The following RFX8 variants were observed in gnomAD, a reference collection of about 807,000 sequenced individuals.
RFX8 encodes the protein DNA-binding protein RFX8.
In RFX8, 46 loss-of-function variants were observed where a neutral mutation model predicts 54.6. The ratio of observed to expected loss-of-function variants is 0.84; its 90% CI spans 0.67 to 1.08. RFX8 has a LOEUF of 1.08. Among genes scored for constraint, RFX8 ranks in the 50% least tolerant of loss-of-function variants. The probability of loss-of-function intolerance (pLI) is 0.00; values close to 1 mark genes in which losing one functional copy is unlikely to be tolerated. For missense variants in RFX8, 536 were observed against 562.3 expected (o/e 0.95, Z 0.47); for synonymous variants, 192 against 209.5 (o/e 0.92, Z 0.72).
At chr2:101,409,532 A>G (rs1363089678) in intron 9 of RFX8, among the ~76,000 whole-genome samples, 1 of 144,546 alleles carries the variant, frequency 6.9e-6, no homozygotes, top group African/African-American at 2.6e-5. Context: ...GGCCAGACGG[A>G]GTCTTTTGTT....
chr2:101,466,731 T>C (rs761190800), intron 2 of RFX8, 46 bp downstream of exon 2: 1 of 1,353,336 alleles, frequency 7.4e-7, no homozygotes, highest in South Asian at 1.2e-5. Context: ...TTGCTTCCCT[T>C]TTTTGCACTC....
intron 8 of RFX8, among the ~76,000 whole-genome samples, chr2:101,412,222 G>A (rs988338206): frequency 2.0e-5 from 3 of 152,162 alleles, no homozygotes; most frequent in African/African-American, 2.4e-5. Flanking sequence ...ATTCATAATC[G>A]GTAACCATCC....
chr2:101,442,312 A>G (rs757699943), intron 2 of RFX8, among the ~76,000 whole-genome samples: 4 of 152,178 alleles, frequency 2.6e-5, no homozygotes, highest in Non-Finnish European at 5.9e-5. Flanking sequence ...TATGTATCCC[A>G]TATTTCTGCT....
At chr2:101,469,003 CGT>C (rs1689743756) in intron 1 of RFX8, among the ~76,000 whole-genome samples, 3 of 29,186 alleles carry the variant, frequency 1.0e-4, no homozygotes, top group Admixed American at 2.9e-4. Context: ...TATATATATA[CGT>C]ATATATATAT....
chr2:101,410,635 T>G lies in RFX8; in HGVS notation c.797A>C (p.Gln266Pro). 6.5e-7 allele frequency: 1 copy of G among 1,531,782 alleles called. No individual in the cohort carries two copies. The allele number at this position is 1,531,782 out of a possible 1,614,324, so 94.9% of individuals were successfully genotyped here. Reference protein sequence around the residue: ...VFLSCLSSHLQAFVFQTSRSK... With the variant: ...VFLSCLSSHLPAFVFQTSRSK... ...GCTTCCTACCTGGAACACAAATGCT[T>G]GGAGATGTGAAGACAGACAGCTGAG... is the stretch of plus-strand genomic sequence containing the variant. The change falls in exon 9 of 12, where the codon CAA becomes CCA. Residue 266 changes from glutamine to proline, a missense_variant. Coordinates refer to ENST00000428343, the MANE Select transcript of RFX8 (RefSeq NM_001145664.2).
At chr2:101,426,496 G>C (rs80129971) in intron 2 of RFX8, among the ~76,000 whole-genome samples, 1 of 152,108 alleles carries the variant, frequency 6.6e-6, no homozygotes, top group Non-Finnish European at 1.5e-5. Flanking sequence ...TCCAGCCTGG[G>C]CAAAAGAGCA....
chr2:101,447,895 C>T (rs1450719057), intron 2 of RFX8, among the ~76,000 whole-genome samples: 1 of 152,214 alleles, frequency 6.6e-6, no homozygotes, highest in African/African-American at 2.4e-5. Context: ...TTTAACTTAA[C>T]ATAACAACCT....
At chr2:101,435,543 C>T (rs972788328) in intron 2 of RFX8, among the ~76,000 whole-genome samples, 5 of 152,270 alleles carry the variant, frequency 3.3e-5, no homozygotes, top group African/African-American at 1.2e-4. Flanking sequence ...ATATAATGCA[C>T]GCACATATAC....
At position 101,397,380 on chromosome 2, in the gene RFX8, A is replaced by G. The variant is rs1685186695; in HGVS notation, c.*168T>C. ...AAAATTATTCTCCAAATCAGTTTAC[A>G]TATTTTATCGAAACCACCTCCTTGA... On this transcript the variant is annotated 3_prime_UTR_variant, in exon 12 of 12. Coordinates refer to ENST00000428343, the MANE Select transcript of RFX8 (RefSeq NM_001145664.2). 2 of 413,944 alleles carry G rather than the reference A, an allele frequency of 4.8e-6. No homozygotes were observed. Among genetic ancestry groups the G allele is most frequent in the Non-Finnish European group, 8.3e-6 (2 of 241,896 alleles). 25.6% of individuals were successfully genotyped at this position (413,944 alleles called of 1,614,324 possible). A position where few individuals can be genotyped will look rare whatever the true frequency, so the allele number is the denominator to read the frequency against.
intron 8 of RFX8, 82 bp from the exon 9 acceptor site, chr2:101,410,795 C>G (rs997874238): frequency 7.0e-6 from 5 of 711,324 alleles, no homozygotes; most frequent in Non-Finnish European, 1.2e-5. Flanking sequence ...ACTGGGTAAC[C>G]TGGAAACATC....
chr2:101,467,607 G>A (rs1372223097), intron 1 of RFX8, among the ~76,000 whole-genome samples: 1 of 152,220 alleles, frequency 6.6e-6, no homozygotes, highest in Non-Finnish European at 1.5e-5. Context: ...GAACGCACCT[G>A]CAGTGCCTGT....
chr2:101,441,684 G>A (rs1038913843), intron 2 of RFX8, among the ~76,000 whole-genome samples: 12 of 152,174 alleles, frequency 7.9e-5, no homozygotes, highest in African/African-American at 2.7e-4. Context: ...TTGCTCTGAA[G>A]TCTGCTTTAT....
intron 2 of RFX8, among the ~76,000 whole-genome samples, chr2:101,428,418 C>T (rs866211529): frequency 5.9e-5 from 9 of 152,172 alleles, no homozygotes; most frequent in South Asian, 4.1e-4. Flanking sequence ...TGAAAGAGGG[C>T]CCTCCGGTAA....
intron 6 of RFX8, 50 bp downstream of exon 6, chr2:101,417,484 G>T: frequency 6.6e-7 from 1 of 1,508,304 alleles, no homozygotes; most frequent in Non-Finnish European, 8.9e-7. Flanking sequence ...GGGATTACAG[G>T]CATGAGCCAC....
rs146607333 is a variant in RFX8 at position 101,438,235 on chromosome 2, T to C, written c.73-15763A>G. On this transcript the variant is annotated intron_variant, in intron 2 of 11. Transcript: ENST00000428343. ...TTTTTAATATACAATTAAATTATTATTGACTATCATCAGCTGTTGTGCTAG... is the reference window on the plus strand; with the variant it reads ...TTTTTAATATACAATTAAATTATTACTGACTATCATCAGCTGTTGTGCTAG... Among the ~76,000 whole-genome samples, 484 of 152,362 alleles carry C rather than the reference T, an allele frequency of 3.2e-3. 4 individuals carry two copies. Among genetic ancestry groups the C allele is most frequent in the African/African-American group, 0.01 (418 of 41,590 alleles).
At chr2:101,464,534 T>C (rs1236230727) in intron 2 of RFX8, among the ~76,000 whole-genome samples, 1 of 152,206 alleles carries the variant, frequency 6.6e-6, no homozygotes, top group Non-Finnish European at 1.5e-5. Context: ...TAAACATACG[T>C]TGGGATCATA....
At chr2:101,440,890 G>T (rs1244189854) in intron 2 of RFX8, among the ~76,000 whole-genome samples, 1 of 151,944 alleles carries the variant, frequency 6.6e-6, no homozygotes, top group African/African-American at 2.4e-5. Flanking sequence ...GTCTTCCTGG[G>T]GGATTGATCC....
chr2:101,426,514 G>A lies in RFX8; in HGVS notation c.73-4042C>T, dbSNP rs183839368. Among the ~76,000 whole-genome samples, 22 of 152,178 alleles carry A rather than the reference G, an allele frequency of 1.4e-4. 1 individual carries two copies. The highest frequency in any genetic ancestry group is 9.2e-4 in the Admixed American group (14 of 15,280). ...AGCCTGGGCAAAAGAGCAAGACCTC[G>A]TCTCTAAAAAATAAAATAAATAAAT... On this transcript the variant is annotated intron_variant, in intron 2 of 11. Coordinates refer to ENST00000428343, the MANE Select transcript of RFX8 (RefSeq NM_001145664.2).
intron 2 of RFX8, among the ~76,000 whole-genome samples, chr2:101,466,022 A>AAG (rs1689555381): frequency 6.6e-6 from 1 of 152,198 alleles, no homozygotes. Flanking sequence ...ACTTCCACAA[A>AAG]TGAACAGAAG....
Sources: gnomAD v4.1 joint callset for allele counts (sites outside exome capture counted in the v4.1 genomes callset) on GRCh38, gnomAD v4.1.1 for gene constraint, MANE v1.5 for transcripts, NCBI Gene and HGNC (gene_info 2026-07-23, HGNC 2026-07-21) for gene names.